Variants in TUSC3 observed in about 807,000 individuals in gnomAD.
TUSC3 encodes dolichyl-diphosphooligosaccharide--protein glycosyltransferase subunit TUSC3.
TUSC3 carries 45 observed loss-of-function variants against 44.8 expected under a neutral mutation model. That is an observed-to-expected ratio of 1.00 (90% CI 0.79 to 1.29). The LOEUF is 1.29. Among genes scored for constraint, TUSC3 ranks in the 50% most tolerant of loss-of-function variants. The pLI is 0.00. For missense variants in TUSC3, 519 were observed against 437.9 expected (o/e 1.19, Z -1.65); for synonymous variants, 212 against 152.9 (o/e 1.39, Z -2.85).
At chr8:15,813,385 C>CAAA in the TUSC3 span, among the ~76,000 whole-genome samples, 32 of 28,490 alleles carry the variant, frequency 1.1e-3, no homozygotes, top group South Asian at 3.7e-3. Context: ...AACAAACAAA[C>CAAA]AAACAAAAAA....
chr8:15,425,191 G>A (rs1052882173), intron 1 of TUSC3, among the ~76,000 whole-genome samples: 2 of 152,146 alleles, frequency 1.3e-5, no homozygotes, highest in African/African-American at 4.8e-5. Context: ...AAGTAGTCAA[G>A]TTTTCCATTT....
intron 6 of TUSC3, among the ~76,000 whole-genome samples, chr8:15,707,730 C>T (rs1809676567): frequency 6.6e-6 from 1 of 151,934 alleles, no homozygotes; most frequent in South Asian, 2.1e-4. Context: ...ATGTGCATCC[C>T]TGGGTGTGTG....
At chr8:15,770,795 C>T (rs1258639719), downstream of TUSC3, among the ~76,000 whole-genome samples, 3 of 151,930 alleles carry the variant, frequency 2.0e-5, no homozygotes, top group Non-Finnish European at 4.4e-5. Flanking sequence ...CACTATCAAG[C>T]ATATTAAGTA....
chr8:15,462,458 G>A (rs1278716919), intron 1 of TUSC3, among the ~76,000 whole-genome samples: 1 of 152,014 alleles, frequency 6.6e-6, no homozygotes, highest in East Asian at 1.9e-4. Context: ...GCCCATGGTG[G>A]CAGAGTCAGG....
intron 1 of TUSC3, among the ~76,000 whole-genome samples, chr8:15,474,244 T>A (rs568126570): frequency 6.6e-6 from 1 of 152,318 alleles, no homozygotes; most frequent in Admixed American, 6.5e-5. Flanking sequence ...TCTGTTCTTT[T>A]TCAAGGTGAA....
chr8:15,468,015 C>G (rs1800436595), intron 1 of TUSC3, among the ~76,000 whole-genome samples: 3 of 151,966 alleles, frequency 2.0e-5, no homozygotes, highest in African/African-American at 7.3e-5. Context: ...AAATAGAAAA[C>G]AATATATAAA....
intron 6 of TUSC3, among the ~76,000 whole-genome samples, chr8:15,689,928 G>T (rs1310605668): frequency 1.3e-5 from 2 of 148,404 alleles, no homozygotes; most frequent in African/African-American, 5.0e-5. Context: ...GGACATTTAG[G>T]TTAATTCCAT....
At chr8:15,810,277 G>T in the TUSC3 span, among the ~76,000 whole-genome samples, 1 of 152,122 alleles carries the variant, frequency 6.6e-6, no homozygotes, top group Non-Finnish European at 1.5e-5. Context: ...CCCTGGCTTA[G>T]AGTACTGCAT....
intron 7 of TUSC3, among the ~76,000 whole-genome samples, chr8:15,734,366 CTCCATAT>C (rs1426463169): frequency 2.6e-5 from 4 of 152,152 alleles, no homozygotes; most frequent in South Asian, 4.1e-4. Context: ...ATAAAAATAT[CTCCATAT>C]CAGTAGTGTT....
intron 1 of TUSC3, among the ~76,000 whole-genome samples, chr8:15,606,489 C>T (rs553221730): frequency 1.3e-5 from 2 of 152,012 alleles, no homozygotes; most frequent in East Asian, 3.9e-4. Context: ...TCCCATTGTT[C>T]TATATTATTT....
chr8:15,744,012 G>C (rs891554786), intron 8 of TUSC3, among the ~76,000 whole-genome samples: 1 of 152,182 alleles, frequency 6.6e-6, no homozygotes, highest in Non-Finnish European at 1.5e-5. Flanking sequence ...CGCTCAAAGC[G>C]TGACTTAGAT....
At chr8:15,574,812 T>C (rs1185513062) in intron 1 of TUSC3, among the ~76,000 whole-genome samples, 1 of 152,196 alleles carries the variant, frequency 6.6e-6, no homozygotes, top group Non-Finnish European at 1.5e-5. Context: ...AATGGGTTTT[T>C]ATCCAGGTGT....
downstream of TUSC3, among the ~76,000 whole-genome samples, chr8:15,770,776 A>G (rs1479007284): frequency 6.6e-6 from 1 of 152,084 alleles, no homozygotes; most frequent in Non-Finnish European, 1.5e-5. Context: ...AGACCAAAAG[A>G]CTGTTAGACA....
chr8:15,766,100 C>G lies in TUSC3; in HGVS notation c.*1944C>G. ...TACCATATTAGTAAAGGTTTTCTAG[C>G]TCTTATTTTCTAATTTCCTCTGAGC... On this transcript the variant is annotated 3_prime_UTR_variant, in exon 11 of 11. Coordinates refer to ENST00000503731, the MANE Select transcript of TUSC3 (RefSeq NM_006765.4). 6.6e-6 allele frequency: 1 copy of G among 151,644 alleles called. No homozygotes were observed. Among genetic ancestry groups the G allele is most frequent in the East Asian group, 1.9e-4 (1 of 5,180 alleles). 9.4% of individuals were successfully genotyped at this position (151,644 alleles called of 1,614,324 possible).
At chr8:15,489,258 G>T (rs550506165) in intron 2 of TUSC3, among the ~76,000 whole-genome samples, 1 of 152,284 alleles carries the variant, frequency 6.6e-6, no homozygotes, top group Non-Finnish European at 1.5e-5. Context: ...CAAATTCAAA[G>T]ATTTTCTAAT....
At chr8:15,519,528 C>A (rs549885348) in intron 2 of TUSC3, among the ~76,000 whole-genome samples, 1 of 152,096 alleles carries the variant, frequency 6.6e-6, no homozygotes, top group African/African-American at 2.4e-5. Flanking sequence ...GCATTATGAC[C>A]TGGGCTCCTC....
chr8:15,732,500 G>C (rs191482437), intron 7 of TUSC3, among the ~76,000 whole-genome samples: 1 of 152,146 alleles, frequency 6.6e-6, no homozygotes, highest in Non-Finnish European at 1.5e-5. Context: ...CCAAGCTCAT[G>C]TATATCTTTA....
At chr8:15,835,074 T>C in the TUSC3 span, among the ~76,000 whole-genome samples, 5 of 152,230 alleles carry the variant, frequency 3.3e-5, no homozygotes, top group African/African-American at 1.2e-4. Context: ...TAAACAATTT[T>C]TTGGGGGATA....
At chr8:15,752,563 T>C (rs1229137178) in intron 9 of TUSC3, among the ~76,000 whole-genome samples, 1 of 152,158 alleles carries the variant, frequency 6.6e-6, no homozygotes, top group African/African-American at 2.4e-5. Flanking sequence ...CATAGTGTTC[T>C]GGTATTTTAG....
Sources: allele counts gnomAD v4.1 joint callset (sites outside exome capture counted in the v4.1 genomes callset), GRCh38; gene constraint gnomAD v4.1.1; transcripts MANE v1.5; gene names NCBI Gene and HGNC (gene_info 2026-07-23, HGNC 2026-07-21).